Variants in ACVR1 observed in about 807,000 individuals in gnomAD.
The protein encoded by ACVR1 is activin A receptor type 1.
ACVR1 carries 38 observed loss-of-function variants against 57.1 expected under a neutral mutation model. The observed-to-expected ratio is 0.67, with a 90% CI of 0.51 to 0.87. The LOEUF is 0.87. Among genes scored for constraint, ACVR1 ranks in the 40% least tolerant of loss-of-function variants. The pLI is 0.00. For synonymous variants in ACVR1, 212 were observed against 228.1 expected (o/e 0.93, Z 0.63); for missense variants, 463 against 638.2 (o/e 0.73, Z 2.96).
intron 9 of ACVR1, among the ~76,000 whole-genome samples, chr2:157,745,569 A>T (rs780454439): frequency 8.2e-4 from 125 of 152,328 alleles, no homozygotes; most frequent in Admixed American, 3.5e-3. Context: ...TGGATCTCTA[A>T]ATCAGGGACA....
intron 1 of ACVR1, among the ~76,000 whole-genome samples, chr2:157,822,110 C>G (rs939295423): frequency 1.3e-5 from 2 of 152,194 alleles, no homozygotes; most frequent in African/African-American, 4.8e-5. Context: ...GTCTGTTCAC[C>G]CAGCCCATAA....
chr2:157,747,759 G>C (rs543988628), intron 9 of ACVR1, among the ~76,000 whole-genome samples: 2 of 152,242 alleles, frequency 1.3e-5, no homozygotes, highest in Admixed American at 6.5e-5. Flanking sequence ...GTGTGTGGGG[G>C]GGTGTACATT....
At chr2:157,755,598 A>G (rs910393557) in intron 9 of ACVR1, among the ~76,000 whole-genome samples, 6 of 152,060 alleles carry the variant, frequency 3.9e-5, no homozygotes, top group African/African-American at 1.4e-4. Context: ...TTAGGAATAT[A>G]CCTAACCAAG....
chr2:157,855,096 C>A (rs1689463855), intron 1 of ACVR1, among the ~76,000 whole-genome samples: 1 of 151,650 alleles, frequency 6.6e-6, no homozygotes, highest in Non-Finnish European at 1.5e-5. Context: ...CAGGCTAGTA[C>A]ACTGACTTTT....
At chr2:157,813,072 A>G (rs1687806207) in intron 2 of ACVR1, among the ~76,000 whole-genome samples, 1 of 152,116 alleles carries the variant, frequency 6.6e-6, no homozygotes, top group African/African-American at 2.4e-5. Context: ...ATGGGGGGAG[A>G]GGGTGGTAAC....
intron 7 of ACVR1, among the ~76,000 whole-genome samples, chr2:157,766,436 A>G (rs934336530): frequency 1.3e-5 from 2 of 152,238 alleles, no homozygotes; most frequent in African/African-American, 4.8e-5. Context: ...AATACTTTAA[A>G]AGATATTTTA....
At chr2:157,855,321 T>TACACAC (rs752485468) in intron 1 of ACVR1, among the ~76,000 whole-genome samples, 90 of 109,384 alleles carry the variant, frequency 8.2e-4, no homozygotes, top group East Asian at 6.6e-3. Flanking sequence ...TATATATATA[T>TACACAC]ATACACACAC....
chr2:157,784,687 C>T (rs191974241), intron 3 of ACVR1, among the ~76,000 whole-genome samples: 8 of 152,352 alleles, frequency 5.3e-5, no homozygotes, highest in Admixed American at 2.6e-4. Flanking sequence ...GCTTCGGAAC[C>T]GCCAGGGAGA....
chr2:157,758,268 A>G (rs1019294372), intron 9 of ACVR1, among the ~76,000 whole-genome samples: 1 of 152,060 alleles, frequency 6.6e-6, no homozygotes, highest in African/African-American at 2.4e-5. Flanking sequence ...CTCAGTATAC[A>G]TGGAAGATTG....
intron 9 of ACVR1, among the ~76,000 whole-genome samples, chr2:157,757,341 A>G (rs1685477546): frequency 1.3e-5 from 2 of 151,860 alleles, no homozygotes; most frequent in African/African-American, 4.8e-5. Context: ...CCCCAAAAAA[A>G]GCTGAAATTT....
chr2:157,768,620 G>C (rs918949949), intron 7 of ACVR1, among the ~76,000 whole-genome samples: 4 of 151,972 alleles, frequency 2.6e-5, no homozygotes, highest in Non-Finnish European at 4.4e-5. Flanking sequence ...AAATAAGCAG[G>C]GTTTTCTTTT....
intron 1 of ACVR1, among the ~76,000 whole-genome samples, chr2:157,851,030 CT>C (rs1689280648): frequency 6.6e-6 from 1 of 152,154 alleles, no homozygotes; most frequent in South Asian, 2.1e-4. Context: ...ACAGATCTAT[CT>C]TAACAGATTA....
chr2:157,863,077 G>A (rs140090262), intron 1 of ACVR1, among the ~76,000 whole-genome samples: 381 of 136,996 alleles, frequency 2.8e-3, no homozygotes, highest in African/African-American at 0.01. Context: ...GCTGGAATGC[G>A]GTGGTGCGAT....
chr2:157,828,657 G>A (rs759840541), intron 1 of ACVR1, among the ~76,000 whole-genome samples: 17 of 152,104 alleles, frequency 1.1e-4, no homozygotes, highest in Admixed American at 2.6e-4. Flanking sequence ...TCTGTACTGC[G>A]ATGGCACCCA....
intron 3 of ACVR1, 21 bp downstream of exon 3, chr2:157,799,406 A>C: frequency 6.3e-7 from 1 of 1,591,940 alleles, no homozygotes; most frequent in African/African-American, 1.3e-5. Flanking sequence ...ATCTTAACCC[A>C]AAAAGATGTG....
chr2:157,875,763 C>T (rs1318238709), intron 1 of ACVR1, 33 bp downstream of exon 1: 2 of 152,046 alleles, frequency 1.3e-5, no homozygotes, highest in East Asian at 3.9e-4. Context: ...GTCCTCCCGG[C>T]TCCAGCAGGC....
At chr2:157,793,901 T>C (rs1687013560) in intron 3 of ACVR1, among the ~76,000 whole-genome samples, 1 of 152,186 alleles carries the variant, frequency 6.6e-6, no homozygotes, top group Admixed American at 6.5e-5. Context: ...GTCTGAGTAG[T>C]GATGGCTTTG....
chr2:157,823,353 T>C (rs1688223233), intron 1 of ACVR1, among the ~76,000 whole-genome samples: 1 of 152,046 alleles, frequency 6.6e-6, no homozygotes. Flanking sequence ...TCCCAAGAAA[T>C]CCTGAGAAGG....
At chr2:157,842,856 AT>A (rs1334911595) in intron 1 of ACVR1, among the ~76,000 whole-genome samples, 1 of 151,966 alleles carries the variant, frequency 6.6e-6, no homozygotes, top group Admixed American at 6.6e-5. Flanking sequence ...ATCTACTATG[AT>A]TTTTTTTCTT....
Sources: gnomAD v4.1 joint callset for allele counts (sites outside exome capture counted in the v4.1 genomes callset) on GRCh38, gnomAD v4.1.1 for gene constraint, MANE v1.5 for transcripts, NCBI Gene and HGNC (gene_info 2026-07-23, HGNC 2026-07-21) for gene names.